The following LIMCH1 variants were observed in gnomAD, a reference collection of about 807,000 sequenced individuals.
LIMCH1 encodes LIM and calponin homology domains 1.
A neutral mutation model predicts 176.5 loss-of-function variants in LIMCH1; 113 were observed. The observed-to-expected ratio is 0.64, with a 90% confidence interval of 0.55 to 0.75. The LOEUF (loss-of-function observed/expected upper bound fraction) is 0.75. Ranked by LOEUF, LIMCH1 falls within the 30% of genes least tolerant of loss-of-function variation. The pLI, the probability that LIMCH1 is intolerant of heterozygous loss-of-function variation, is 0.00. For missense variants in LIMCH1, 1,674 were observed against 1,814.9 expected (o/e 0.92, Z 1.41); for synonymous variants, 619 against 645.9 (o/e 0.96, Z 0.63).
At chr4:41,668,015 A>G (rs1274402864) in intron 21 of LIMCH1, among the ~76,000 whole-genome samples, 1 of 152,062 alleles carries the variant, frequency 6.6e-6, no homozygotes, top group Non-Finnish European at 1.5e-5. Flanking sequence ...AAAAAAAGAA[A>G]CAGCCAGAGT....
intron 1 of LIMCH1, among the ~76,000 whole-genome samples, chr4:41,440,350 C>T (rs2062569799): frequency 1.3e-5 from 2 of 152,114 alleles, no homozygotes. Flanking sequence ...TCAATGCTTT[C>T]CTCAAGAATA....
intron 21 of LIMCH1, among the ~76,000 whole-genome samples, chr4:41,669,548 A>G (rs1243452468): frequency 2.0e-5 from 3 of 152,164 alleles, no homozygotes. Context: ...TGCATTTCTT[A>G]CAGGTTCCCA....
chr4:41,497,460 A>G (rs2072396905), intron 2 of LIMCH1, among the ~76,000 whole-genome samples: 1 of 152,196 alleles, frequency 6.6e-6, no homozygotes, highest in South Asian at 2.1e-4. Context: ...AGAGAAAGTA[A>G]CTGAGGTACA....
chr4:41,695,530 T>G (rs779336462), intron 31 of LIMCH1, among the ~76,000 whole-genome samples: 7 of 152,142 alleles, frequency 4.6e-5, no homozygotes, highest in African/African-American at 7.2e-5. Flanking sequence ...TAGGTCTATT[T>G]CTGGATATTT....
intron 29 of LIMCH1, 160 bp downstream of exon 29, chr4:41,688,077 G>A (rs1403865884): frequency 5.7e-6 from 1 of 174,420 alleles, no homozygotes; most frequent in Non-Finnish European, 1.1e-5. Context: ...AGAGAACATT[G>A]TCCATCTGCC....
intron 1 of LIMCH1, among the ~76,000 whole-genome samples, chr4:41,372,430 A>G (rs2054117491): frequency 6.6e-6 from 1 of 152,184 alleles, no homozygotes; most frequent in Non-Finnish European, 1.5e-5. Flanking sequence ...AGTTTGGGAC[A>G]TTATTCATAC....
In LIMCH1 at chr4:41,491,765, C is replaced by T. The variant is rs543303251; in HGVS notation, c.97-2771C>T. On this transcript the variant is annotated intron_variant, in intron 1 of 26. Transcript: ENST00000313860. ...GCAGAGGCGCTCCTCACTTCCCATT[C>T]GGGGCAGCCGGGCAGAGGCGCTCCT... is the stretch of plus-strand genomic sequence containing the variant. 3.5e-3 allele frequency among the ~76,000 whole-genome samples: 477 copies of T among 137,372 alleles called. 4 individuals carry two copies. Among genetic ancestry groups the T allele is most frequent in the South Asian group, 0.012 (49 of 4,108 alleles). The allele number at this position is 137,372 out of a possible 152,430, so 90.1% of individuals were successfully genotyped here. A position where few individuals can be genotyped will look rare whatever the true frequency, so the allele number is the denominator to read the frequency against.
chr4:41,670,691 T>A, intron 21 of LIMCH1: 1 of 1,501,076 alleles, frequency 6.7e-7, no homozygotes, highest in Non-Finnish European at 9.0e-7. Flanking sequence ...TGGTTTTCTG[T>A]TTGTTCTGTT....
At chr4:41,537,181 C>G (rs1583669333), upstream of LIMCH1, among the ~76,000 whole-genome samples, 1 of 152,136 alleles carries the variant, frequency 6.6e-6, no homozygotes, top group East Asian at 1.9e-4. Context: ...CAATAAATGG[C>G]AGGATACCAG....
chr4:41,459,352 G>A (rs1397189920), intron 1 of LIMCH1, among the ~76,000 whole-genome samples: 4 of 152,020 alleles, frequency 2.6e-5, no homozygotes, highest in Admixed American at 1.3e-4. Context: ...CCAGGCTGGA[G>A]TACAGCAGCT....
intron 1 of LIMCH1, among the ~76,000 whole-genome samples, chr4:41,598,383 AT>A (rs936851831): frequency 5.3e-5 from 8 of 151,878 alleles, no homozygotes; most frequent in Non-Finnish European, 8.8e-5. Flanking sequence ...GATTGTCTAG[AT>A]TTTTTTTCTT....
At chr4:41,694,481 A>G (rs898789644) in intron 31 of LIMCH1, among the ~76,000 whole-genome samples, 1 of 152,196 alleles carries the variant, frequency 6.6e-6, no homozygotes, top group Non-Finnish European at 1.5e-5. Context: ...GGTGATGATC[A>G]TATAGTCATG....
rs146947685 is a variant in LIMCH1, at chr4:41,362,035, C to T, written c.96+1099C>T. Among the ~76,000 whole-genome samples, 54 of 152,260 alleles carry T rather than the reference C, an allele frequency of 3.5e-4. 1 individual carries two copies. In the East Asian group the frequency reaches 9.9e-3, roughly 28 times the overall value. On this transcript the variant is annotated intron_variant, in intron 1 of 26. Coordinates refer to the LIMCH1 transcript ENST00000313860. ...CCTGTCACTTAGTGACTCCCCACTCCGTTCAGCATTGTGGTTCCCAAGAAG... is the reference window on the plus strand; with the variant it reads ...CCTGTCACTTAGTGACTCCCCACTCTGTTCAGCATTGTGGTTCCCAAGAAG...
At chr4:41,464,889 G>C (rs2065904439) in intron 1 of LIMCH1, among the ~76,000 whole-genome samples, 1 of 152,166 alleles carries the variant, frequency 6.6e-6, no homozygotes, top group Admixed American at 6.5e-5. Context: ...AATATTTGTT[G>C]AATCAGTGAA....
intron 17 of LIMCH1, among the ~76,000 whole-genome samples, chr4:41,648,136 T>C (rs1250570207): frequency 2.6e-5 from 4 of 152,216 alleles, no homozygotes; most frequent in Admixed American, 2.0e-4. Flanking sequence ...CTAGGGCCTA[T>C]GATAATGAAT....
rs965621988 is a variant in LIMCH1 at position 41,460,476 on chromosome 4, A to ATATATATATATATATATATC, written c.97-34057_97-34056insATATATATATATATATCTAT. 4.0e-4 allele frequency among the ~76,000 whole-genome samples: 57 copies of ATATATATATATATATATATC among 142,656 alleles called. No individual in the cohort carries two copies. The East Asian group carries it at 4.8e-3, about 12-fold the overall frequency. 93.6% of individuals were successfully genotyped at this position (142,656 alleles called of 152,430 possible). Reference sequence around the variant, plus strand: ...TAATCATCTATATATATATATATATATATCTTATAATATCATGTTATAGAT... The same window carrying ATATATATATATATATATATC: ...TAATCATCTATATATATATATATATATATATATATATATATATATCTATCTTATAATATCATGTTATAGAT... On this transcript the variant is annotated intron_variant, in intron 1 of 26. Coordinates refer to the LIMCH1 transcript ENST00000313860.
intron 1 of LIMCH1, among the ~76,000 whole-genome samples, chr4:41,460,331 A>T (rs907327797): frequency 6.6e-6 from 1 of 151,724 alleles, no homozygotes; most frequent in South Asian, 2.1e-4. Flanking sequence ...GAATATTTTG[A>T]TCGTTGATCA....
intron 1 of LIMCH1, among the ~76,000 whole-genome samples, chr4:41,411,905 C>T (rs941103828): frequency 3.2e-5 from 4 of 124,574 alleles, no homozygotes; most frequent in Non-Finnish European, 4.7e-5. Context: ...TTGCAGTGAG[C>T]GAGATCTCTG....
chr4:41,462,626 C>G (rs1215281805), intron 1 of LIMCH1, among the ~76,000 whole-genome samples: 1 of 152,158 alleles, frequency 6.6e-6, no homozygotes, highest in Non-Finnish European at 1.5e-5. Context: ...CTAGATGTAT[C>G]TTGAAATTTT....
Sources: gnomAD v4.1 joint callset for allele counts (sites outside exome capture counted in the v4.1 genomes callset) on GRCh38, gnomAD v4.1.1 for gene constraint, MANE v1.5 for transcripts, NCBI Gene and HGNC (gene_info 2026-07-23, HGNC 2026-07-21) for gene names.